Variants in PDE8B observed in about 807,000 individuals in gnomAD.
PDE8B encodes high affinity cAMP-specific and IBMX-insensitive 3',5'-cyclic phosphodiesterase 8B.
A neutral mutation model predicts 101.3 loss-of-function variants in PDE8B; 26 were observed. The observed-to-expected ratio is 0.26, with a 90% CI of 0.19 to 0.36. The LOEUF is 0.36. PDE8B is among the 10% of genes least tolerant of loss of function. The probability of loss-of-function intolerance (pLI) is 1.00; values close to 1 mark genes in which losing one functional copy is unlikely to be tolerated. For missense variants in PDE8B, 810 were observed against 1,163.1 expected, an observed-to-expected ratio of 0.70 and a Z score of 4.42; for synonymous variants, 424 against 429.3, an observed-to-expected ratio of 0.99 and a Z score of 0.15.
chr5:77,317,716 C>G (rs1442795606), intron 2 of PDE8B, among the ~76,000 whole-genome samples: 1 of 152,120 alleles, frequency 6.6e-6, no homozygotes, highest in African/African-American at 2.4e-5. Context: ...ACGTTTACTT[C>G]CCCAGTGTGC....
chr5:77,350,988 C>CCT (rs1781005809), intron 8 of PDE8B, 77 bp from the exon 9 acceptor site: 8 of 1,015,790 alleles, frequency 7.9e-6, no homozygotes, highest in Non-Finnish European at 1.3e-5. Flanking sequence ...TGTTCCTTCT[C>CCT]AGCCTTCTGA....
At chr5:77,141,643 G>C in the PDE8B span, 2 of 152,102 alleles carry the variant, frequency 1.3e-5, no homozygotes, top group African/African-American at 2.4e-5. Flanking sequence ...CTTGAAACAG[G>C]ACATTCTACT....
At chr5:77,367,534 T>C (rs1219887213) in intron 10 of PDE8B, among the ~76,000 whole-genome samples, 3,454 of 67,674 alleles carry the variant, frequency 0.051, 133 homozygotes, top group African/African-American at 0.3. Context: ...TTCTCTCTTT[T>C]TTTTTTTTTT....
chr5:77,243,958 C>T (rs1013712935), intron 1 of PDE8B, among the ~76,000 whole-genome samples: 4 of 151,864 alleles, frequency 2.6e-5, no homozygotes, highest in Non-Finnish European at 4.4e-5. Flanking sequence ...CCACCGCCAC[C>T]GCTGCATCCT....
intron 1 of PDE8B, among the ~76,000 whole-genome samples, chr5:77,223,679 A>G (rs143473695): frequency 6.6e-6 from 1 of 152,052 alleles, no homozygotes; most frequent in Non-Finnish European, 1.5e-5. Flanking sequence ...CCTTTGTATT[A>G]TATGAGGCTA....
At chr5:77,126,714 C>G in the PDE8B span, among the ~76,000 whole-genome samples, 5 of 152,176 alleles carry the variant, frequency 3.3e-5, no homozygotes, top group African/African-American at 1.2e-4. Flanking sequence ...GCCACAGCAC[C>G]CGGCCCTACA....
chr5:77,275,471 TA>T (rs1763672790), intron 1 of PDE8B, among the ~76,000 whole-genome samples: 1 of 152,222 alleles, frequency 6.6e-6, no homozygotes, highest in African/African-American at 2.4e-5. Context: ...AGAACAGTTT[TA>T]AATTGCTTCT....
chr5:77,142,326 T>C, the PDE8B span: 1 of 152,230 alleles, frequency 6.6e-6, no homozygotes, highest in Non-Finnish European at 1.5e-5. Context: ...GTATAATTGA[T>C]GTACACTAAA....
intron 10 of PDE8B, among the ~76,000 whole-genome samples, chr5:77,359,280 T>C (rs546905672): frequency 2.6e-5 from 4 of 152,158 alleles, no homozygotes; most frequent in Non-Finnish European, 5.9e-5. Context: ...CTCTGTGAAG[T>C]TCCAGAGCAT....
the PDE8B span, among the ~76,000 whole-genome samples, chr5:77,154,911 C>T: frequency 3.1e-4 from 47 of 152,308 alleles, no homozygotes; most frequent in African/African-American, 1.1e-3. Context: ...GAATCATGGA[C>T]TCTCAGCGGT....
At chr5:77,372,991 G>T (rs1785333646) in intron 10 of PDE8B, among the ~76,000 whole-genome samples, 1 of 151,212 alleles carries the variant, frequency 6.6e-6, no homozygotes, top group African/African-American at 2.4e-5. Context: ...TTGCACCATT[G>T]CACTCCAGCC....
intron 20 of PDE8B, among the ~76,000 whole-genome samples, 196 bp from the exon 21 acceptor site, chr5:77,425,570 CT>C (rs1238924267): frequency 6.6e-6 from 1 of 152,036 alleles, no homozygotes; most frequent in Non-Finnish European, 1.5e-5. Context: ...AAAAAAGAGG[CT>C]TGAGAGTGGG....
At chr5:77,189,632 CG>C in the PDE8B span, among the ~76,000 whole-genome samples, 8 of 152,126 alleles carry the variant, frequency 5.3e-5, no homozygotes, top group Middle Eastern at 3.2e-3. Context: ...AGGAGCATGT[CG>C]GCATGCCCAT....
At chr5:77,322,509 C>T (rs1775289074) in intron 2 of PDE8B, among the ~76,000 whole-genome samples, 1 of 152,188 alleles carries the variant, frequency 6.6e-6, no homozygotes, top group Non-Finnish European at 1.5e-5. Flanking sequence ...CCTGCTCCCA[C>T]CCTTTTGCCC....
the PDE8B span, among the ~76,000 whole-genome samples, chr5:77,184,136 T>C: frequency 1.3e-5 from 2 of 152,148 alleles, no homozygotes; most frequent in Non-Finnish European, 2.9e-5. Context: ...CCAGCTAATT[T>C]TTTAATTATT....
chr5:77,294,953 T>G (rs995838945), intron 1 of PDE8B, among the ~76,000 whole-genome samples: 26 of 151,158 alleles, frequency 1.7e-4, no homozygotes, highest in African/African-American at 6.3e-4. Context: ...TAGGAGCCTC[T>G]GAAGAGAAAA....
chr5:77,371,912 G>A (rs1785136320), intron 10 of PDE8B, among the ~76,000 whole-genome samples: 1 of 152,144 alleles, frequency 6.6e-6, no homozygotes, highest in South Asian at 2.1e-4. Context: ...ACATACAATT[G>A]ATTTTTTGCC....
At chr5:77,090,519 C>T in the PDE8B span, among the ~76,000 whole-genome samples, 8 of 152,322 alleles carry the variant, frequency 5.3e-5, no homozygotes, top group Admixed American at 1.3e-4. Context: ...GTGATACACC[C>T]GCCTCAACCT....
chr5:77,193,466 C>A, the PDE8B span, among the ~76,000 whole-genome samples: 1 of 152,148 alleles, frequency 6.6e-6, no homozygotes, highest in Non-Finnish European at 1.5e-5. Context: ...GGTAGTTTTA[C>A]TGAAAATTAA....
Sources: gnomAD v4.1 joint callset for allele counts (sites outside exome capture counted in the v4.1 genomes callset) on GRCh38, gnomAD v4.1.1 for gene constraint, MANE v1.5 for transcripts, NCBI Gene and HGNC (gene_info 2026-07-23, HGNC 2026-07-21) for gene names.